PAPPA2: variants seen among roughly 807,000 people sequenced by gnomAD.
PAPPA2 encodes the protein pappalysin-2.
In PAPPA2, 86 loss-of-function variants were observed where a neutral mutation model predicts 176.4. The observed-to-expected ratio is 0.49, with a 90% CI of 0.41 to 0.58. PAPPA2 has a LOEUF of 0.58. PAPPA2 is among the 20% of genes least tolerant of loss of function. The pLI is 0.00. For synonymous variants in PAPPA2, 809 were observed against 852.2 expected (o/e 0.95, Z 0.88); for missense variants, 2,073 against 2,256.9 (o/e 0.92, Z 1.65).
chr1:176,757,428 G>A (rs1558564711), intron 14 of PAPPA2, among the ~76,000 whole-genome samples: 1 of 152,146 alleles, frequency 6.6e-6, no homozygotes, highest in Non-Finnish European at 1.5e-5. Flanking sequence ...ATCTCATTGT[G>A]GTTTTGATTT....
At chr1:176,506,712 A>G (rs976499451) in intron 1 of PAPPA2, among the ~76,000 whole-genome samples, 18 of 152,116 alleles carry the variant, frequency 1.2e-4, no homozygotes, top group Non-Finnish European at 1.5e-4. Context: ...GTATCCTGAA[A>G]TCTTGCTAAA....
intron 14 of PAPPA2, 33 bp downstream of exon 14, chr1:176,740,229 T>G: frequency 6.3e-7 from 1 of 1,584,504 alleles, no homozygotes; most frequent in Non-Finnish European, 8.6e-7. Context: ...TTTGTTTCCT[T>G]TTCTTGTGGC....
chr1:176,633,681 T>G (rs574297112), intron 3 of PAPPA2, among the ~76,000 whole-genome samples: 2 of 152,044 alleles, frequency 1.3e-5, no homozygotes, highest in Non-Finnish European at 2.9e-5. Context: ...GGGAGAAAAT[T>G]TTTGCAATCT....
chr1:176,655,512 G>A (rs753421735), intron 3 of PAPPA2, among the ~76,000 whole-genome samples: 39 of 151,698 alleles, frequency 2.6e-4, no homozygotes, highest in South Asian at 4.2e-4. Context: ...GCCAACAAGC[G>A]GATTAAAAAA....
intron 1 of PAPPA2, among the ~76,000 whole-genome samples, chr1:176,472,326 T>C (rs12126124): frequency 2.3e-3 from 352 of 152,278 alleles, no homozygotes; most frequent in Non-Finnish European, 3.8e-3. Context: ...ATTTGGTGGG[T>C]TTCAAGCCAT....
rs1336937196 is a variant in PAPPA2, at chr1:176,469,798, G to A, written c.-917+6380G>A. Reference sequence around the variant, plus strand: ...GTCCACAGCAGTTGTCATCTGGGATGCGTCAGACACTTCACCACAGCCCAC... The same window carrying A: ...GTCCACAGCAGTTGTCATCTGGGATACGTCAGACACTTCACCACAGCCCAC... On this transcript the variant is annotated intron_variant, in intron 1 of 22. Transcript: ENST00000367662. 3.9e-5 allele frequency among the ~76,000 whole-genome samples: 6 copies of A among 152,316 alleles called. No homozygotes were observed. The East Asian group carries it at 1.2e-3, about 29-fold the overall frequency.
chr1:176,468,024 A>G (rs986599912), intron 1 of PAPPA2, among the ~76,000 whole-genome samples: 1 of 152,198 alleles, frequency 6.6e-6, no homozygotes, highest in South Asian at 2.1e-4. Flanking sequence ...TGACCATTAT[A>G]AAGTGGACAA....
At chr1:176,707,605 G>C (rs1248660682) in intron 10 of PAPPA2, among the ~76,000 whole-genome samples, 2 of 152,088 alleles carry the variant, frequency 1.3e-5, no homozygotes, top group African/African-American at 4.8e-5. Flanking sequence ...CCTTGAAACA[G>C]ACCATTCTGT....
chr1:176,696,354 A>G (rs1306380910), intron 7 of PAPPA2, among the ~76,000 whole-genome samples: 1 of 72,020 alleles, frequency 1.4e-5, no homozygotes, highest in Non-Finnish European at 2.5e-5. Context: ...TGGCTGAGCA[A>G]GTCTGGGTGG....
At chr1:176,572,273 A>G (rs1652391753) in intron 2 of PAPPA2, among the ~76,000 whole-genome samples, 3 of 152,210 alleles carry the variant, frequency 2.0e-5, no homozygotes. Flanking sequence ...ACCCGTGTCA[A>G]TTCCTTAGAT....
intron 14 of PAPPA2, among the ~76,000 whole-genome samples, chr1:176,755,983 C>T (rs1268098704): frequency 6.6e-6 from 1 of 151,996 alleles, no homozygotes; most frequent in African/African-American, 2.4e-5. Context: ...ATTATTGAGA[C>T]AGAGTTTCGC....
At position 176,597,791 on chromosome 1, in the gene PAPPA2, G is replaced by A. The variant is rs541928187; in HGVS notation, c.1991+2196G>A. Among the ~76,000 whole-genome samples the A allele has an allele frequency of 3.9e-5, 6 of 152,266 alleles. No homozygotes were observed. In the South Asian group the frequency reaches 1.0e-3, roughly 26 times the overall value. On this transcript the variant is annotated intron_variant, in intron 3 of 22. Coordinates refer to ENST00000367662, the MANE Select transcript of PAPPA2 (RefSeq NM_020318.3). ...AACAGCAGTGGTTAGCAACACTTAG[G>A]ATCCCCCAGATAAATGAGAAAGTCT...
Position 176,840,191 on chromosome 1 carries a change from T to C in PAPPA2, c.5221T>C (p.Trp1741Arg). The C allele has an allele frequency of 6.2e-7, 1 of 1,613,212 alleles. No homozygotes were observed. Among genetic ancestry groups the C allele is most frequent in the Non-Finnish European group, 8.5e-7 (1 of 1,179,500 alleles). ...QSCEPFQADG[W>R]CDTINNRAYC... ...CCTACAGCCCTTCCAAGCAGATGGT[T>C]GGTGTGACACTATCAACAACCGAGC... Residue 1741 changes from tryptophan (W) to arginine (R), a missense_variant, in exon 22 of 23, where the codon TGG becomes CGG. By Grantham distance (101) the Trp-to-Arg change is moderately radical (BLOSUM62 -3). Transcript: ENST00000367662.
At chr1:176,531,607 A>G (rs1044147683) in intron 1 of PAPPA2, among the ~76,000 whole-genome samples, 1 of 152,158 alleles carries the variant, frequency 6.6e-6, no homozygotes, top group Non-Finnish European at 1.5e-5. Flanking sequence ...CATGAAGAAC[A>G]GTAACTGAGA....
intron 4 of PAPPA2, among the ~76,000 whole-genome samples, chr1:176,687,714 G>T (rs1219594004): frequency 6.6e-6 from 1 of 152,002 alleles, no homozygotes; most frequent in Non-Finnish European, 1.5e-5. Context: ...GAGCTGAAAT[G>T]TATGAGTAGA....
At chr1:176,547,861 C>T (rs1650725665) in intron 1 of PAPPA2, among the ~76,000 whole-genome samples, 1 of 152,134 alleles carries the variant, frequency 6.6e-6, no homozygotes, top group African/African-American at 2.4e-5. Flanking sequence ...ATGGTATGTC[C>T]CATAGAAGCT....
intron 3 of PAPPA2, among the ~76,000 whole-genome samples, chr1:176,644,918 G>A (rs1657310925): frequency 6.6e-6 from 1 of 151,754 alleles, no homozygotes; most frequent in Non-Finnish European, 1.5e-5. Flanking sequence ...CAACACAGGT[G>A]CAGCGCCACA....
At chr1:176,808,831 G>A (rs1571357872) in intron 21 of PAPPA2, among the ~76,000 whole-genome samples, 1 of 152,122 alleles carries the variant, frequency 6.6e-6, no homozygotes, top group Non-Finnish European at 1.5e-5. Flanking sequence ...ATCAAAAGAA[G>A]TGAGGTTTCC....
chr1:176,603,485 C>T (rs1558466651), intron 3 of PAPPA2, among the ~76,000 whole-genome samples: 1 of 152,158 alleles, frequency 6.6e-6, no homozygotes, highest in Non-Finnish European at 1.5e-5. Context: ...GAGGTTCCAT[C>T]AGAGCACCAG....
Sources: gnomAD v4.1 joint callset for allele counts (sites outside exome capture counted in the v4.1 genomes callset) on GRCh38, gnomAD v4.1.1 for gene constraint, MANE v1.5 for transcripts, NCBI Gene and HGNC (gene_info 2026-07-23, HGNC 2026-07-21) for gene names.